PIGN: variants seen among roughly 807,000 people sequenced by gnomAD.
PIGN encodes phosphatidylinositol glycan anchor biosynthesis class N.
In PIGN, 117 loss-of-function variants were observed where a neutral mutation model predicts 125.4. That is an observed-to-expected ratio of 0.93 (90% CI 0.80 to 1.09). The LOEUF is 1.09. Ranked by LOEUF, PIGN falls within the 50% of genes least tolerant of loss-of-function variation. The probability of loss-of-function intolerance (pLI) is 0.00; values close to 1 mark genes in which losing one functional copy is unlikely to be tolerated. For missense variants in PIGN, 1,075 were observed against 1,094.9 expected (o/e 0.98, Z 0.26); for synonymous variants, 392 against 377.8 (o/e 1.04, Z -0.44).
At chr18:62,108,743 A>G (rs1482458535) in intron 17 of PIGN, among the ~76,000 whole-genome samples, 1 of 152,040 alleles carries the variant, frequency 6.6e-6, no homozygotes, top group Non-Finnish European at 1.5e-5. Context: ...GGTGCATACC[A>G]CCATGCCCAG....
At chr18:62,161,429 T>A in intron 3 of PIGN, 44 bp from the exon 4 acceptor site, 1 of 805,024 alleles carries the variant, frequency 1.2e-6, no homozygotes, top group Non-Finnish European at 2.0e-6. Context: ...TCTTAATGCA[T>A]TCATATGTAT....
At chr18:62,141,358 T>A (rs1413633581) in intron 11 of PIGN, among the ~76,000 whole-genome samples, 1 of 152,258 alleles carries the variant, frequency 6.6e-6, no homozygotes, top group African/African-American at 2.4e-5. Flanking sequence ...GTGATAATGG[T>A]AGCTACAATT....
intron 25 of PIGN, 28 bp from the exon 26 acceptor site, chr18:62,085,292 C>T: frequency 6.8e-7 from 1 of 1,461,554 alleles, no homozygotes; most frequent in Middle Eastern, 1.7e-4. Context: ...AATGGCAAAA[C>T]AACTCAGATT....
In PIGN at chr18:62,109,913, GA is replaced by G; in HGVS notation, c.1494del (p.Leu499CysfsTer2). The stretch of plus-strand genomic sequence containing the variant: ...GTCCAGGGACAGGCTTGAATCAGCA[GA>G]AAAAATGCTACTAAAATGCCAATAG... ...FVAIGILVAFFLLIQACPWTY... is the reference protein window; with the variant it reads ...FVAIGILVAFXLLIQACPWTY... On this transcript the variant is annotated frameshift_variant, in exon 17 of 31. Coordinates refer to ENST00000640252, the MANE Select transcript of PIGN (RefSeq NM_176787.5). LOFTEE classifies it high-confidence loss of function. 6.2e-7 allele frequency: 1 copy of G among 1,613,252 alleles called. No homozygotes were observed. The highest frequency in any genetic ancestry group is 1.1e-5 in the South Asian group (1 of 91,052).
intron 9 of PIGN, among the ~76,000 whole-genome samples, chr18:62,146,667 G>A (rs906889329): frequency 1.3e-5 from 2 of 152,062 alleles, no homozygotes; most frequent in African/African-American, 2.4e-5. Flanking sequence ...CCATCTTAAC[G>A]TCACTCCCTT....
intron 30 of PIGN, among the ~76,000 whole-genome samples, chr18:62,062,323 G>C (rs534588918): frequency 7.2e-5 from 11 of 152,306 alleles, no homozygotes; most frequent in African/African-American, 2.4e-4. Flanking sequence ...GGAAATTTAT[G>C]TAGATTTGTT....
In PIGN at chr18:62,148,306, A is replaced by G. The variant is rs1450696898; in HGVS notation, c.582T>C (p.Ser194=). The G allele has an allele frequency of 2.6e-6, 4 of 1,527,426 alleles. No individual in the cohort carries two copies. Among genetic ancestry groups the G allele is most frequent in the Non-Finnish European group, 3.5e-6 (4 of 1,133,562 alleles). The allele number at this position is 1,527,426 out of a possible 1,614,324, so 94.6% of individuals were successfully genotyped here. Residue 194 remains serine (S), a synonymous_variant, in exon 8 of 31, where the codon TCT becomes TCC. Coordinates refer to ENST00000640252, the MANE Select transcript of PIGN (RefSeq NM_176787.5). ...TCTCTTCATTTATTTTAGAAAACAAAGACTGGTTGTTTCTGGCATGATGAA... is the reference window on the plus strand; with the variant it reads ...TCTCTTCATTTATTTTAGAAAACAAGGACTGGTTGTTTCTGGCATGATGAA... ...DFFHHARNNQ[S]LFSKINEEKI... is the part of the protein sequence containing the mutation.
chr18:62,080,522 T>C (rs2033398790), intron 28 of PIGN, among the ~76,000 whole-genome samples: 1 of 152,156 alleles, frequency 6.6e-6, no homozygotes, highest in African/African-American at 2.4e-5. Flanking sequence ...ATCTGCTACA[T>C]GGGGCCTTTG....
intron 28 of PIGN, chr18:62,075,810 C>T (rs2033141663): frequency 6.6e-6 from 1 of 152,224 alleles, no homozygotes; most frequent in Non-Finnish European, 1.5e-5. Flanking sequence ...TACCATGTTA[C>T]ATTTCCACTA....
intron 1 of PIGN, among the ~76,000 whole-genome samples, chr18:62,177,568 T>C (rs1037872487): frequency 6.6e-6 from 1 of 152,192 alleles, no homozygotes; most frequent in African/African-American, 2.4e-5. Context: ...GAATATGCCA[T>C]CCTTTCCTGA....
chr18:62,110,123 G>GA (rs1232880756), intron 16 of PIGN, 150 bp from the exon 17 acceptor site: 5 of 637,958 alleles, frequency 7.8e-6, no homozygotes, highest in East Asian at 5.8e-5. Context: ...TTAAGACAAG[G>GA]AAAAAAATCT....
At chr18:62,048,985 G>A (rs1220141651) in intron 30 of PIGN, among the ~76,000 whole-genome samples, 231 of 151,916 alleles carry the variant, frequency 1.5e-3, no homozygotes, top group African/African-American at 5.2e-3. Context: ...AGTTTACTGA[G>A]AATGATGATT....
chr18:62,108,149 G>A (rs539539397), intron 17 of PIGN, among the ~76,000 whole-genome samples: 1 of 152,088 alleles, frequency 6.6e-6, no homozygotes, highest in Non-Finnish European at 1.5e-5. Context: ...CAGTCAAAAG[G>A]GGAATGTTTC....
At chr18:62,165,765 T>C (rs2037111725) in intron 1 of PIGN, among the ~76,000 whole-genome samples, 2 of 152,172 alleles carry the variant, frequency 1.3e-5, no homozygotes, top group African/African-American at 4.8e-5. Context: ...AAGGGTGTGG[T>C]TAACTGTCAG....
intron 1 of PIGN, among the ~76,000 whole-genome samples, chr18:62,165,916 G>T (rs926608411): frequency 6.6e-6 from 1 of 152,014 alleles, no homozygotes; most frequent in Non-Finnish European, 1.5e-5. Flanking sequence ...GGGAGGTGAG[G>T]GAGTGAGAGT....
At chr18:62,122,730 T>C (rs959347238) in intron 14 of PIGN, among the ~76,000 whole-genome samples, 1 of 152,204 alleles carries the variant, frequency 6.6e-6, no homozygotes, top group African/African-American at 2.4e-5. Flanking sequence ...TACAAGAATC[T>C]TTGTTCAGAG....
intron 15 of PIGN, 61 bp from the exon 16 acceptor site, chr18:62,113,377 A>G (rs1206466442): frequency 1.5e-6 from 2 of 1,326,558 alleles, no homozygotes; most frequent in Non-Finnish European, 2.1e-6. Context: ...TACATTTTAA[A>G]GAAAGGAAAA....
chr18:62,091,301 C>T (rs556978507), intron 23 of PIGN, among the ~76,000 whole-genome samples: 10 of 152,098 alleles, frequency 6.6e-5, no homozygotes, highest in South Asian at 4.1e-4. Context: ...GCTGAGATCA[C>T]GCCACTGCAC....
At chr18:62,126,201 A>G (rs979797582) in intron 14 of PIGN, among the ~76,000 whole-genome samples, 2 of 152,082 alleles carry the variant, frequency 1.3e-5, no homozygotes, top group African/African-American at 4.8e-5. Flanking sequence ...ATAAGACTTC[A>G]CCTGTTTGTC....
Sources: allele counts gnomAD v4.1 joint callset (sites outside exome capture counted in the v4.1 genomes callset), GRCh38; gene constraint gnomAD v4.1.1; transcripts MANE v1.5; gene names NCBI Gene and HGNC (gene_info 2026-07-23, HGNC 2026-07-21).